Variants in CDH13 observed in about 807,000 individuals in gnomAD.
The protein encoded by CDH13 is cadherin 13.
CDH13 carries 24 observed loss-of-function variants against 63.8 expected under a neutral mutation model. The observed-to-expected ratio is 0.38, with a 90% CI of 0.27 to 0.53. The LOEUF (loss-of-function observed/expected upper bound fraction) is 0.53. Among genes scored for constraint, CDH13 ranks in the 20% least tolerant of loss-of-function variants. The probability of loss-of-function intolerance (pLI) is 0.85; values close to 1 mark genes in which losing one functional copy is unlikely to be tolerated. For missense variants in CDH13, 1,049 were observed against 903.1 expected, an observed-to-expected ratio of 1.16 and a Z score of -2.07; for synonymous variants, 503 against 355.3, an observed-to-expected ratio of 1.42 and a Z score of -4.67.
intron 6 of CDH13, among the ~76,000 whole-genome samples, chr16:83,428,454 G>C (rs978405940): frequency 6.6e-6 from 1 of 151,704 alleles, no homozygotes; most frequent in African/African-American, 2.4e-5. Context: ...TTTTAATTGT[G>C]TTGTCAAGTT....
intron 5 of CDH13, among the ~76,000 whole-genome samples, chr16:83,334,174 C>T (rs2090536929): frequency 6.6e-6 from 1 of 152,028 alleles, no homozygotes; most frequent in Non-Finnish European, 1.5e-5. Context: ...TCGCTTCTTC[C>T]TCCCTCTTAA....
chr16:82,791,081 C>A (rs1015845066), intron 1 of CDH13, among the ~76,000 whole-genome samples: 1 of 152,054 alleles, frequency 6.6e-6, no homozygotes, highest in African/African-American at 2.4e-5. Flanking sequence ...ACTAAAAATA[C>A]TAAATATTAG....
rs1917950267 is a variant in CDH13, at chr16:83,047,920, A to T, written c.366+15702A>T. Among the ~76,000 whole-genome samples, 1 of 152,196 alleles carries T rather than the reference A, an allele frequency of 6.6e-6. No homozygotes were observed. The highest frequency in any genetic ancestry group is 2.1e-4 in the South Asian group (1 of 4,820). ...GACGGGGAGACTATGTGTGACCAGC[A>T]CAGGGTCATACATCTAGAATATTTT... On this transcript the variant is annotated intron_variant, in intron 3 of 13. Transcript: ENST00000567109. This position sits in a 1 kb window ranked among gnomAD's most constrained non-coding sequence, Gnocchi z 4.9.
chr16:82,859,702 G>A (rs1418622068), intron 2 of CDH13: 1 of 151,484 alleles, frequency 6.6e-6, no homozygotes, highest in Admixed American at 6.6e-5. Flanking sequence ...TTAGTCCTAT[G>A]CTATGTGGCT....
chr16:82,782,282 C>G lies in CDH13; in HGVS notation c.46-76080C>G, dbSNP rs185718912. ...AAGGAGAAAAGAGTAAACAAATGGG[C>G]TGGGCACAATGGCTCACGCCTGTAA... On this transcript the variant is annotated intron_variant, in intron 1 of 13. Coordinates refer to ENST00000567109, the MANE Select transcript of CDH13 (RefSeq NM_001257.5). Among the ~76,000 whole-genome samples the G allele has an allele frequency of 3.7e-3, 562 of 152,314 alleles. 8 individuals carry two copies. Among genetic ancestry groups the G allele is most frequent in the Admixed American group, 0.027 (410 of 15,298 alleles).
intron 5 of CDH13, among the ~76,000 whole-genome samples, chr16:83,314,038 A>G (rs750243159): frequency 6.6e-6 from 1 of 152,230 alleles, no homozygotes; most frequent in Non-Finnish European, 1.5e-5. Flanking sequence ...ATATCAACTT[A>G]AACTCTTACA....
chr16:82,791,948 G>A (rs1202894554), intron 1 of CDH13, among the ~76,000 whole-genome samples: 1 of 152,104 alleles, frequency 6.6e-6, no homozygotes, highest in African/African-American at 2.4e-5. Flanking sequence ...CCCCATCTTG[G>A]GAGCTCTAAG....
At chr16:83,604,006 G>C (rs147454447) in intron 8 of CDH13, among the ~76,000 whole-genome samples, 360 of 152,190 alleles carry the variant, frequency 2.4e-3, no homozygotes, top group South Asian at 0.011. Flanking sequence ...CAGCACTAGG[G>C]GGGTGGGTGC....
chr16:83,582,684 G>A (rs1905734623), intron 7 of CDH13, among the ~76,000 whole-genome samples: 1 of 152,136 alleles, frequency 6.6e-6, no homozygotes, highest in Admixed American at 6.5e-5. Flanking sequence ...CCACTGCAAA[G>A]AGCCACAAAT....
intron 5 of CDH13, among the ~76,000 whole-genome samples, chr16:83,292,664 C>T (rs370564939): frequency 6.6e-6 from 1 of 152,052 alleles, no homozygotes; most frequent in Non-Finnish European, 1.5e-5. Flanking sequence ...AAAATGATTA[C>T]AAATATTTGA....
At chr16:83,160,270 G>A (rs982388624) in intron 4 of CDH13, among the ~76,000 whole-genome samples, 24 of 151,952 alleles carry the variant, frequency 1.6e-4, no homozygotes, top group African/African-American at 4.6e-4. Context: ...AATGAGGGAG[G>A]CTACATGTGG....
chr16:82,745,450 A>C (rs899453879), intron 1 of CDH13, among the ~76,000 whole-genome samples: 3 of 152,170 alleles, frequency 2.0e-5, no homozygotes, highest in African/African-American at 7.2e-5. Flanking sequence ...TAAAAATACA[A>C]AAAATTAGCC....
chr16:83,068,590 A>C (rs376777517), intron 3 of CDH13, among the ~76,000 whole-genome samples: 1 of 152,134 alleles, frequency 6.6e-6, no homozygotes, highest in African/African-American at 2.4e-5. Flanking sequence ...CCACCTGACC[A>C]TTCTTCTGAC....
At chr16:83,544,097 G>T (rs2075340529) in intron 7 of CDH13, among the ~76,000 whole-genome samples, 1 of 152,156 alleles carries the variant, frequency 6.6e-6, no homozygotes, top group Non-Finnish European at 1.5e-5. Context: ...TGTGCAGTGT[G>T]CTTCGAGCAC....
intron 6 of CDH13, among the ~76,000 whole-genome samples, chr16:83,472,740 A>G (rs975023269): frequency 6.6e-6 from 1 of 152,172 alleles, no homozygotes; most frequent in Non-Finnish European, 1.5e-5. Context: ...AATGAAACAG[A>G]TTATTCATAC....
At chr16:83,353,855 G>A (rs983925026) in intron 6 of CDH13, among the ~76,000 whole-genome samples, 8 of 152,242 alleles carry the variant, frequency 5.3e-5, no homozygotes, top group South Asian at 2.1e-4. Context: ...AAAAATAAAC[G>A]CTTAATAGCC....
intron 2 of CDH13, among the ~76,000 whole-genome samples, chr16:83,012,859 T>TA (rs1401326920): frequency 1.3e-5 from 2 of 152,220 alleles, no homozygotes; most frequent in Non-Finnish European, 2.9e-5. Flanking sequence ...GAATTTATTT[T>TA]AAATGGAAAA....
chr16:83,239,885 G>A (rs906764934), intron 5 of CDH13, among the ~76,000 whole-genome samples: 5 of 152,152 alleles, frequency 3.3e-5, no homozygotes, highest in African/African-American at 1.2e-4. Context: ...GGAGCTGGAG[G>A]AGGTGCATGA....
chr16:82,657,387 G>A (rs1490035772), intron 1 of CDH13, among the ~76,000 whole-genome samples: 1 of 152,168 alleles, frequency 6.6e-6, no homozygotes, highest in Non-Finnish European at 1.5e-5. Flanking sequence ...GTTACTGAGT[G>A]ACTAATGGAT....
Sources: gnomAD v4.1 joint callset for allele counts (sites outside exome capture counted in the v4.1 genomes callset) on GRCh38, gnomAD v4.1.1 for gene constraint, Gnocchi (gnomAD v3.1) non-coding constraint, MANE v1.5 for transcripts, NCBI Gene and HGNC (gene_info 2026-07-23, HGNC 2026-07-21) for gene names.